CDH13: variants seen among roughly 807,000 people sequenced by gnomAD.
CDH13 encodes the protein cadherin-13.
Under a neutral mutation model 63.8 loss-of-function variants are expected in CDH13, and 24 were observed. That is an observed-to-expected ratio of 0.38 (90% CI 0.27 to 0.53). CDH13 has a LOEUF of 0.53. Ranked by LOEUF, CDH13 falls within the 20% of genes least tolerant of loss-of-function variation. The pLI, the probability that CDH13 is intolerant of heterozygous loss-of-function variation, is 0.85. For synonymous variants in CDH13, 503 were observed against 355.3 expected, an observed-to-expected ratio of 1.42 and a Z score of -4.67; for missense variants, 1,049 against 903.1, an observed-to-expected ratio of 1.16 and a Z score of -2.07.
At chr16:83,058,280 C>T (rs1472810249) in intron 3 of CDH13, among the ~76,000 whole-genome samples, 1 of 152,092 alleles carries the variant, frequency 6.6e-6, no homozygotes, top group Non-Finnish European at 1.5e-5. Context: ...AACTGGATTT[C>T]GCTGCACTCA....
intron 3 of CDH13, among the ~76,000 whole-genome samples, chr16:83,090,539 A>C (rs1008738893): frequency 4.8e-5 from 7 of 147,260 alleles, no homozygotes; most frequent in African/African-American, 1.8e-4. Context: ...GCGTCATTGC[A>C]CTCCAGACTG....
At chr16:83,658,377 G>A (rs1174016107) in intron 8 of CDH13, among the ~76,000 whole-genome samples, 5 of 24,068 alleles carry the variant, frequency 2.1e-4, no homozygotes, top group African/African-American at 3.5e-4. Flanking sequence ...ACCAGGTCCC[G>A]TATCCTCACC....
At chr16:83,469,407 G>A (rs1315070280) in intron 6 of CDH13, among the ~76,000 whole-genome samples, 1 of 152,146 alleles carries the variant, frequency 6.6e-6, no homozygotes, top group Non-Finnish European at 1.5e-5. Flanking sequence ...TAATCAAATA[G>A]GTCGGGGGTC....
chr16:83,051,781 T>G (rs1809671886), intron 3 of CDH13, among the ~76,000 whole-genome samples: 1 of 152,076 alleles, frequency 6.6e-6, no homozygotes, highest in African/African-American at 2.4e-5. Flanking sequence ...ATCACATTAT[T>G]TGTTGTCTTA....
At position 82,922,389 on chromosome 16, in the gene CDH13, G is replaced by A. The variant is rs140603031; in HGVS notation, c.157+63916G>A. Among the ~76,000 whole-genome samples, 82 of 152,236 alleles carry A rather than the reference G, an allele frequency of 5.4e-4. 1 individual carries two copies. Among genetic ancestry groups the A allele is most frequent in the African/African-American group, 1.8e-3 (75 of 41,540 alleles). On this transcript the variant is annotated intron_variant, in intron 2 of 13. Coordinates refer to ENST00000567109, the MANE Select transcript of CDH13 (RefSeq NM_001257.5). ...GGCCTGTATTACAGAAGAAGACATA[G>A]GCAGATTCTTTCACATGCCAGGGAG...
intron 1 of CDH13, among the ~76,000 whole-genome samples, chr16:82,714,704 A>C (rs1597388190): frequency 9.4e-6 from 1 of 106,432 alleles, no homozygotes; most frequent in Non-Finnish European, 2.0e-5. Context: ...ACAGAGCAAG[A>C]CTCCATCTAA....
rs1358532219 is a variant in CDH13 at position 83,797,135 on chromosome 16, G to A, written c.*2105G>A. 6.6e-6 allele frequency: 1 copy of A among 152,250 alleles called. No homozygotes were observed. The highest frequency in any genetic ancestry group is 1.9e-4 in the East Asian group (1 of 5,202). 9.4% of individuals were successfully genotyped at this position (152,250 alleles called of 1,614,324 possible). A position where few individuals can be genotyped will look rare whatever the true frequency, so the allele number is the denominator to read the frequency against. ...CTCCCCTCTTCCTGCAAGGCAGGGG[G>A]AGAACGTTCATCCTTGAACAAACAA... On this transcript the variant is annotated 3_prime_UTR_variant, in exon 14 of 14. Transcript: ENST00000567109.
At chr16:83,216,761 G>T (rs1358766560) in intron 4 of CDH13, among the ~76,000 whole-genome samples, 2 of 148,454 alleles carry the variant, frequency 1.3e-5, no homozygotes, top group African/African-American at 4.9e-5. Flanking sequence ...ATATTTAGGG[G>T]TTATATACAT....
At chr16:83,264,947 T>C (rs1488876650) in intron 5 of CDH13, among the ~76,000 whole-genome samples, 1 of 152,212 alleles carries the variant, frequency 6.6e-6, no homozygotes, top group Non-Finnish European at 1.5e-5. Flanking sequence ...TGTAAATAAT[T>C]ATATGAAATA....
Position 82,860,643 on chromosome 16 carries a change from T to TA in CDH13, c.157+2182dup, listed in dbSNP as rs71868410. Among the ~76,000 whole-genome samples, 291 of 149,876 alleles carry TA rather than the reference T, an allele frequency of 1.9e-3. 1 individual carries two copies. Among genetic ancestry groups the TA allele is most frequent in the Admixed American group, 3.3e-3 (49 of 15,048 alleles). On this transcript the variant is annotated intron_variant, in intron 2 of 13. Coordinates refer to ENST00000567109, the MANE Select transcript of CDH13 (RefSeq NM_001257.5). ...CGTATGTCCATGTATATTACTAAGG[T>TA]AAAAAAAAAAAATCCAAAGCAGATC...
chr16:82,784,036 T>C, intron 1 of CDH13, among the ~76,000 whole-genome samples: 1 of 152,220 alleles, frequency 6.6e-6, no homozygotes, highest in East Asian at 1.9e-4. Context: ...AATTATCCTT[T>C]TTCACTCTTG....
chr16:83,059,863 T>G (rs2031361792), intron 3 of CDH13, among the ~76,000 whole-genome samples: 1 of 149,752 alleles, frequency 6.7e-6, no homozygotes, highest in South Asian at 2.1e-4. Context: ...GGCAGGATCT[T>G]GGCTCACTGC....
intron 5 of CDH13, among the ~76,000 whole-genome samples, chr16:83,270,593 C>G (rs1455916557): frequency 1.3e-5 from 2 of 152,112 alleles, no homozygotes; most frequent in African/African-American, 4.8e-5. Flanking sequence ...AGGTGCAAGT[C>G]CACGAATGGA....
intron 7 of CDH13, among the ~76,000 whole-genome samples, chr16:83,578,322 C>G (rs916153455): frequency 2.0e-5 from 3 of 152,150 alleles, no homozygotes; most frequent in South Asian, 4.1e-4. Context: ...TTTGCTGGGA[C>G]TTAAGGTTCC....
chr16:83,252,971 T>C lies in CDH13; in HGVS notation c.636+35474T>C, dbSNP rs74540443. On this transcript the variant is annotated intron_variant, in intron 5 of 13. Transcript: ENST00000567109. ...AACCTCTGTGTCCTCTCTTCTAAAG[T>C]GTGTCTCATCATTATACCTATTTTA... Among the ~76,000 whole-genome samples the C allele has an allele frequency of 5.0e-3, 762 of 152,300 alleles. 5 individuals carry two copies. The highest frequency in any genetic ancestry group is 0.016 in the African/African-American group (672 of 41,574).
chr16:82,940,113 C>T (rs2042786875), intron 2 of CDH13, among the ~76,000 whole-genome samples: 1 of 152,190 alleles, frequency 6.6e-6, no homozygotes, highest in Non-Finnish European at 1.5e-5. Context: ...TCAATTATTT[C>T]CCACCAGGTC....
intron 8 of CDH13, among the ~76,000 whole-genome samples, chr16:83,606,260 A>G (rs534445537): frequency 2.2e-4 from 34 of 152,286 alleles, no homozygotes; most frequent in African/African-American, 8.2e-4. Context: ...ATAAGAATAC[A>G]TGGTTTTTGG....
At chr16:83,643,282 A>AT (rs1911465263) in intron 8 of CDH13, among the ~76,000 whole-genome samples, 1 of 54,900 alleles carries the variant, frequency 1.8e-5, no homozygotes, top group African/African-American at 5.1e-5. Context: ...TTAGAGTATA[A>AT]TAAAAAAAAA....
chr16:83,228,715 G>T (rs1434827282), intron 5 of CDH13, among the ~76,000 whole-genome samples: 1 of 152,204 alleles, frequency 6.6e-6, no homozygotes, highest in Non-Finnish European at 1.5e-5. Flanking sequence ...CGAGGGTGGG[G>T]CCATGGCAGG....
Sources: gnomAD v4.1 joint callset for allele counts (sites outside exome capture counted in the v4.1 genomes callset) on GRCh38, gnomAD v4.1.1 for gene constraint, MANE v1.5 for transcripts, NCBI Gene and HGNC (gene_info 2026-07-23, HGNC 2026-07-21) for gene names.